TBC1D22A: variants seen among roughly 807,000 people sequenced by gnomAD.
TBC1D22A encodes the protein putative GTPase activator.
TBC1D22A carries 38 observed loss-of-function variants against 60.2 expected under a neutral mutation model. The ratio of observed to expected loss-of-function variants is 0.63; its 90% confidence interval spans 0.49 to 0.83. The LOEUF (loss-of-function observed/expected upper bound fraction) is 0.83, where lower values mean the gene tolerates loss of function less well. TBC1D22A is among the 40% of genes least tolerant of loss of function. TBC1D22A has a pLI of 0.00. For missense variants in TBC1D22A, 628 were observed against 701.0 expected (o/e 0.90, Z 1.18); for synonymous variants, 302 against 281.7 (o/e 1.07, Z -0.72).
At chr22:47,154,569 G>A (rs1458609537) in intron 12 of TBC1D22A, among the ~76,000 whole-genome samples, 1 of 152,166 alleles carries the variant, frequency 6.6e-6, no homozygotes, top group Non-Finnish European at 1.5e-5. Flanking sequence ...CTGGCTCCCT[G>A]AAGCCCTCAG....
intron 4 of TBC1D22A, among the ~76,000 whole-genome samples, chr22:46,834,760 T>A (rs1186721966): frequency 6.6e-6 from 1 of 152,178 alleles, no homozygotes; most frequent in African/African-American, 2.4e-5. Flanking sequence ...ATAGGATCTG[T>A]TTGCTGCAGA....
At chr22:47,108,190 C>G (rs1486457530) in intron 11 of TBC1D22A, among the ~76,000 whole-genome samples, 1 of 152,242 alleles carries the variant, frequency 6.6e-6, no homozygotes, top group Non-Finnish European at 1.5e-5. Context: ...TCCAGCTGTT[C>G]TATTCCTAAG....
At chr22:46,824,444 G>T in intron 4 of TBC1D22A, among the ~76,000 whole-genome samples, 1 of 152,316 alleles carries the variant, frequency 6.6e-6, no homozygotes, top group Non-Finnish European at 1.5e-5. Flanking sequence ...GAAGGCCGCT[G>T]TGGCTGCAGT....
At chr22:46,817,511 T>C (rs1483951670) in intron 4 of TBC1D22A, among the ~76,000 whole-genome samples, 2 of 152,200 alleles carry the variant, frequency 1.3e-5, no homozygotes, top group Non-Finnish European at 2.9e-5. Context: ...CTATGTTTGG[T>C]TTTCTGTTCC....
chr22:47,063,190 G>A (rs902427175), intron 11 of TBC1D22A, among the ~76,000 whole-genome samples: 2 of 152,260 alleles, frequency 1.3e-5, no homozygotes, highest in African/African-American at 2.4e-5. Flanking sequence ...ACAGATGCTC[G>A]GATCCCGCCT....
At chr22:46,933,652 G>A (rs1016994683) in intron 8 of TBC1D22A, among the ~76,000 whole-genome samples, 1 of 152,238 alleles carries the variant, frequency 6.6e-6, no homozygotes, top group Non-Finnish European at 1.5e-5. Context: ...CCTGTGCCAG[G>A]GTGGCACTGG....
At position 46,904,153 on chromosome 22, in the gene TBC1D22A, A is replaced by ATCTATCTG. The variant is rs1479581463; in HGVS notation, c.901-7921_901-7920insTCTATCTG. 5.8e-3 allele frequency among the ~76,000 whole-genome samples: 578 copies of ATCTATCTG among 100,252 alleles called. 9 individuals are homozygous for ATCTATCTG. Among genetic ancestry groups the ATCTATCTG allele is most frequent in the African/African-American group, 0.019 (529 of 27,812 alleles). 65.8% of individuals were successfully genotyped at this position (100,252 alleles called of 152,430 possible). The stretch of plus-strand genomic sequence containing the variant: ...TATCTATCTATCTATCTACCTACCT[A>ATCTATCTG]CCTACCTACCTACCTACCTACCAGT... On this transcript the variant is annotated intron_variant, in intron 7 of 12. Transcript: ENST00000337137.
chr22:47,054,851 T>G (rs1165664245), intron 11 of TBC1D22A, among the ~76,000 whole-genome samples: 4 of 152,148 alleles, frequency 2.6e-5, no homozygotes, highest in Admixed American at 2.0e-4. Context: ...GTTGTTAACT[T>G]GTAAACAGCA....
At chr22:47,027,420 G>A (rs2062293675) in intron 10 of TBC1D22A, among the ~76,000 whole-genome samples, 1 of 152,100 alleles carries the variant, frequency 6.6e-6, no homozygotes, top group South Asian at 2.1e-4. Context: ...TGAGATTTTG[G>A]TGTACCCATC....
At chr22:46,906,624 G>A (rs939410859) in intron 7 of TBC1D22A, among the ~76,000 whole-genome samples, 2 of 152,190 alleles carry the variant, frequency 1.3e-5, no homozygotes, top group African/African-American at 4.8e-5. Flanking sequence ...GAAATAGGAA[G>A]GCTTTTCAGG....
chr22:47,110,762 A>C (rs1489885089), intron 11 of TBC1D22A, among the ~76,000 whole-genome samples: 2 of 152,146 alleles, frequency 1.3e-5, no homozygotes, highest in East Asian at 3.9e-4. Flanking sequence ...AGTTTGGGGA[A>C]CCCTCAGTCT....
chr22:46,938,310 C>A (rs2071778830), intron 8 of TBC1D22A, among the ~76,000 whole-genome samples: 2 of 152,206 alleles, frequency 1.3e-5, no homozygotes. Context: ...GCAGTATTCA[C>A]TACAGTAACA....
chr22:47,166,479 C>A (rs1467455326), intron 12 of TBC1D22A, among the ~76,000 whole-genome samples: 1 of 152,164 alleles, frequency 6.6e-6, no homozygotes, highest in Admixed American at 6.5e-5. Flanking sequence ...AATAAATATT[C>A]AAAGTCTAGA....
chr22:47,087,785 G>A (rs1057156883), intron 11 of TBC1D22A, among the ~76,000 whole-genome samples: 1 of 152,066 alleles, frequency 6.6e-6, no homozygotes, highest in Non-Finnish European at 1.5e-5. Flanking sequence ...ATGAATTAAG[G>A]TTCAATATAG....
At chr22:47,135,227 G>A (rs1472574392) in intron 12 of TBC1D22A, among the ~76,000 whole-genome samples, 6 of 152,206 alleles carry the variant, frequency 3.9e-5, no homozygotes, top group Admixed American at 1.3e-4. Context: ...CGCAGGGCTC[G>A]GCGCTGCTTC....
intron 1 of TBC1D22A, among the ~76,000 whole-genome samples, chr22:46,788,664 G>A (rs541265435): frequency 1.6e-4 from 24 of 152,328 alleles, no homozygotes; most frequent in African/African-American, 5.1e-4. Flanking sequence ...GTTGAGAGGA[G>A]GGATCAGCGC....
intron 6 of TBC1D22A, among the ~76,000 whole-genome samples, 186 bp downstream of exon 6, chr22:46,891,580 T>C (rs1324142491): frequency 1.3e-5 from 2 of 152,254 alleles, no homozygotes; most frequent in African/African-American, 4.8e-5. Flanking sequence ...AAATTTCCTC[T>C]GCTAGTACTA....
intron 4 of TBC1D22A, among the ~76,000 whole-genome samples, chr22:46,845,216 C>G (rs536645161): frequency 2.0e-5 from 3 of 152,346 alleles, no homozygotes; most frequent in East Asian, 1.9e-4. Context: ...CCAACTTTCT[C>G]TCCTCTTAGC....
intron 4 of TBC1D22A, among the ~76,000 whole-genome samples, chr22:46,824,112 A>G (rs1463556238): frequency 6.6e-6 from 1 of 152,206 alleles, no homozygotes; most frequent in Non-Finnish European, 1.5e-5. Context: ...TATATAATAG[A>G]TATAAAAACT....
Sources: gnomAD v4.1 joint callset for allele counts (sites outside exome capture counted in the v4.1 genomes callset) on GRCh38, gnomAD v4.1.1 for gene constraint, MANE v1.5 for transcripts, NCBI Gene and HGNC (gene_info 2026-07-23, HGNC 2026-07-21) for gene names.